The following LY6H variants were observed in gnomAD, a reference collection of about 807,000 sequenced individuals.
LY6H encodes the protein lymphocyte antigen 6H.
Under a neutral mutation model 14.6 loss-of-function variants are expected in LY6H, and 8 were observed. That is an observed-to-expected ratio of 0.55 (90% CI 0.32 to 0.99). The LOEUF is 0.99. Ranked by LOEUF, LY6H falls within the 50% of genes least tolerant of loss-of-function variation. The pLI is 0.04. For missense variants in LY6H, 196 were observed against 219.6 expected, an observed-to-expected ratio of 0.89 and a Z score of 0.68; for synonymous variants, 115 against 97.2, an observed-to-expected ratio of 1.18 and a Z score of -1.08.
intron 2 of LY6H, 42 bp from the exon 3 acceptor site, chr8:143,158,964 G>A (rs772747756): frequency 2.5e-6 from 4 of 1,604,162 alleles, no homozygotes; most frequent in Middle Eastern, 1.7e-4. Context: ...AGGCACTGGG[G>A]TCCAAACCAG....
intron 1 of LY6H, 140 bp downstream of exon 1, chr8:143,160,058 C>T (rs1815561495): frequency 1.1e-6 from 1 of 907,776 alleles, no homozygotes; most frequent in Non-Finnish European, 1.4e-6. Context: ...GGGGCGCGTG[C>T]CAGGTCCCCA....
intron 2 of LY6H, 155 bp from the exon 3 acceptor site, chr8:143,159,077 A>G (rs772664632): frequency 9.4e-7 from 1 of 1,067,060 alleles, no homozygotes; most frequent in South Asian, 1.4e-5. Flanking sequence ...GAGGGGGAGC[A>G]GAGGCCCTGG....
At chr8:143,160,104 G>A in intron 1 of LY6H, 94 bp downstream of exon 1, 1 of 1,088,634 alleles carries the variant, frequency 9.2e-7, no homozygotes, top group Non-Finnish European at 1.2e-6. Context: ...GGAACCCCGG[G>A]CCGAGTCCCC....
rs371605567 is a variant in LY6H, at chr8:143,158,334, C to T, written c.402G>A (p.Ala134=). ...DCCEKDLCNG[A]AGAGHSPWAL... is the part of the protein sequence containing the mutation. ...CCCAGGGGCTGTGCCCTGCCCCTGC[C>T]GCCCCATTGCACAAATCCTTCTCGC... Residue 134 remains alanine (A), a synonymous_variant, in exon 4 of 4, where the codon GCG becomes GCA. Coordinates refer to ENST00000342752, the MANE Select transcript of LY6H (RefSeq NM_001135655.2). The T allele has an allele frequency of 6.5e-5, 105 of 1,613,680 alleles. No individual in the cohort carries two copies. The highest frequency in any genetic ancestry group is 8.6e-5 in the Non-Finnish European group (101 of 1,179,866).
intron 2 of LY6H, 53 bp downstream of exon 2, chr8:143,159,529 G>T: frequency 1.4e-6 from 2 of 1,444,124 alleles, no homozygotes; most frequent in Middle Eastern, 2.5e-4. Context: ...GCTCTCCCGC[G>T]GCGCCTCGGG....
At chr8:143,159,500 G>C in intron 2 of LY6H, 82 bp downstream of exon 2, 1 of 1,392,374 alleles carries the variant, frequency 7.2e-7, no homozygotes, top group Non-Finnish European at 9.3e-7. Context: ...ACCGTCAGAG[G>C]GTGGCAGCCC....
intron 3 of LY6H, 77 bp downstream of exon 3, chr8:143,158,726 G>C (rs374262133): frequency 2.0e-6 from 3 of 1,511,576 alleles, no homozygotes; most frequent in Admixed American, 4.0e-5. Context: ...AGGCCAGAGG[G>C]GCTCCGAGGA....
chr8:143,159,528 C>CGGCG, intron 2 of LY6H, 54 bp downstream of exon 2: 1 of 1,443,518 alleles, frequency 6.9e-7, no homozygotes, highest in Non-Finnish European at 9.0e-7. Context: ...GGCTCTCCCG[C>CGGCG]GGCGCCTCGG....
intron 1 of LY6H, 111 bp downstream of exon 1, chr8:143,160,087 G>A (rs1403692243): frequency 1.3e-5 from 13 of 981,914 alleles, no homozygotes; most frequent in Non-Finnish European, 1.4e-5. Flanking sequence ...CCTGGGCTGG[G>A]GGGCCGGGAA....
chr8:143,159,129 T>C (rs1815528940), intron 2 of LY6H: 1 of 667,714 alleles, frequency 1.5e-6, no homozygotes, highest in South Asian at 1.8e-5. Context: ...GGAGCCCCTA[T>C]GGCCCCTCCC....
chr8:143,159,861 C>T, intron 1 of LY6H, 152 bp from the exon 2 acceptor site: 1 of 1,142,382 alleles, frequency 8.8e-7, no homozygotes, highest in Non-Finnish European at 1.1e-6. Context: ...TCCGCCGTCA[C>T]AGCATCCCCG....
upstream of LY6H, chr8:143,160,441 G>A (rs1364945365): frequency 6.7e-6 from 1 of 149,138 alleles, no homozygotes; most frequent in African/African-American, 2.4e-5. Flanking sequence ...GCAGGTAGCT[G>A]GCCCGGGCCC....
intron 1 of LY6H, 199 bp from the exon 2 acceptor site, chr8:143,159,908 T>A: frequency 8.5e-7 from 1 of 1,174,976 alleles, no homozygotes; most frequent in Admixed American, 4.2e-5. Context: ...AGGTGACAGC[T>A]CGAGACGCCT....
At chr8:143,159,463 G>T (rs1487591628) in intron 2 of LY6H, 119 bp downstream of exon 2, 2 of 1,217,030 alleles carry the variant, frequency 1.6e-6, no homozygotes, top group Non-Finnish European at 2.2e-6. Flanking sequence ...CGGAGGGGGC[G>T]TGGGCTCTAT....
chr8:143,158,246 G>A lies in LY6H; in HGVS notation c.*4C>T. On this transcript the variant is annotated 3_prime_UTR_variant, in exon 4 of 4. Transcript: ENST00000342752. ...CTCAGAAGCCCCGTGGGAAGGAGGAGACATCAGGGCCCAGCCCAGAGGAGG... is the reference window on the plus strand; with the variant it reads ...CTCAGAAGCCCCGTGGGAAGGAGGAAACATCAGGGCCCAGCCCAGAGGAGG... 1.3e-6 allele frequency: 2 copies of A among 1,599,676 alleles called. No homozygotes were observed. Among genetic ancestry groups the A allele is most frequent in the Non-Finnish European group, 1.7e-6 (2 of 1,170,566 alleles).
At position 143,159,639 on chromosome 8, in the gene LY6H, C is replaced by T. The variant is rs1815547207; in HGVS notation, c.73G>A (p.Ala25Thr). The change falls in exon 2 of 4, where the codon GCA (alanine) becomes ACA (threonine). Residue 25 changes from alanine (A) to threonine (T), a missense_variant. Physicochemically the swap from Ala to Thr is moderately conservative, Grantham distance 58 (BLOSUM62 0). Transcript: ENST00000342752. ...GCCAGGCCGAGGCCCTTCATGGCTG[C>T]AGGCAGCATGCTCCGGGTGGGCCTG... is the stretch of plus-strand genomic sequence containing the variant. ...APRPTRSMLP[A>T]AMKGLGLALL... is the part of the protein sequence containing the mutation. 3.4e-6 allele frequency: 5 copies of T among 1,457,386 alleles called. No homozygotes were observed. The highest frequency in any genetic ancestry group is 4.5e-6 in the Non-Finnish European group (5 of 1,114,912). The allele number at this position is 1,457,386 out of a possible 1,614,324, so 90.3% of individuals were successfully genotyped here.
In LY6H at chr8:143,159,681, T is replaced by C. The variant is rs1815549378; in HGVS notation, c.31A>G (p.Ser11Gly). The change falls in exon 2 of 4, where the codon AGC (serine) becomes GGC (glycine). Residue 11 changes from serine to glycine, a missense_variant. Ser to Gly is a moderately conservative substitution (Grantham distance 56). Transcript: ENST00000342752. ...GTGGGCCTGGGGGCGGCGCGGGGGC[T>C]TGGGGCGCGGGTCCTCTGGGGCGCA... MLAPQRTRAPSPRAAPRPTRS... is the reference protein window; with the variant it reads MLAPQRTRAPGPRAAPRPTRS... 1.7e-5 allele frequency: 23 copies of C among 1,392,030 alleles called. No homozygotes were observed. The highest frequency in any genetic ancestry group is 2.0e-5 in the Non-Finnish European group (22 of 1,083,460). The allele number at this position is 1,392,030 out of a possible 1,614,324, so 86.2% of individuals were successfully genotyped here. A position where few individuals can be genotyped will look rare whatever the true frequency, so the allele number is the denominator to read the frequency against.
In LY6H at chr8:143,158,926, G is replaced by C. The variant is rs1815520411; in HGVS notation, c.131-4C>G. 1 of 1,613,558 alleles carries C rather than the reference G, an allele frequency of 6.2e-7. No individual in the cohort carries two copies. The highest frequency in any genetic ancestry group is 8.5e-7 in the Non-Finnish European group (1 of 1,179,906). On this transcript the variant is annotated splice_polypyrimidine_tract_variant and splice_region_variant and intron_variant, in intron 2 of 3. Coordinates refer to ENST00000342752, the MANE Select transcript of LY6H (RefSeq NM_001135655.2). Reference sequence around the variant, plus strand: ...TCCTGGCACCACAGGCCATGAGCTGGGCAGGGCATGGGGAGGAGGGTGACC... The same window carrying C: ...TCCTGGCACCACAGGCCATGAGCTGCGCAGGGCATGGGGAGGAGGGTGACC...
intron 1 of LY6H, 104 bp downstream of exon 1, chr8:143,160,094 G>C (rs1815562623): frequency 9.7e-7 from 1 of 1,033,776 alleles, no homozygotes; most frequent in Admixed American, 4.3e-5. Flanking sequence ...TGGGGGGCCG[G>C]GAACCCCGGG....
Sources: gnomAD v4.1 joint callset for allele counts on GRCh38, gnomAD v4.1.1 for gene constraint, MANE v1.5 for transcripts, NCBI Gene and HGNC (gene_info 2026-07-23, HGNC 2026-07-21) for gene names.